The following NCOA2 variants were observed in gnomAD, a reference collection of about 807,000 sequenced individuals.
The protein encoded by NCOA2 is nuclear receptor coactivator 2.
A neutral mutation model predicts 145.1 loss-of-function variants in NCOA2; 21 were observed. That is an observed-to-expected ratio of 0.14 (90% CI 0.10 to 0.21). The LOEUF (loss-of-function observed/expected upper bound fraction) is 0.21. Ranked by LOEUF, NCOA2 falls within the 10% of genes least tolerant of loss-of-function variation. The pLI is 1.00. For missense variants in NCOA2, 1,472 were observed against 1,837.6 expected, an observed-to-expected ratio of 0.80 and a Z score of 3.64; for synonymous variants, 619 against 637.5, an observed-to-expected ratio of 0.97 and a Z score of 0.44.
the NCOA2 span, among the ~76,000 whole-genome samples, chr8:70,438,508 T>C: frequency 0.15 from 22,758 of 152,160 alleles, 2,111 homozygotes; most frequent in African/African-American, 0.25. Context: ...TTAATTGAAC[T>C]TTTCTGGCTT....
intron 16 of NCOA2, among the ~76,000 whole-genome samples, chr8:70,131,412 C>T (rs201605484): frequency 6.6e-6 from 1 of 152,222 alleles, no homozygotes; most frequent in East Asian, 1.9e-4. Context: ...GCACAAACAG[C>T]TTCCTATCAC....
intron 4 of NCOA2, among the ~76,000 whole-genome samples, chr8:70,213,112 A>C (rs1478502576): frequency 5.3e-5 from 8 of 150,230 alleles, no homozygotes; most frequent in South Asian, 2.1e-4. Context: ...AAAAAAAAAA[A>C]CCACACCAGA....
At chr8:70,347,926 G>T (rs1381578028) in intron 1 of NCOA2, among the ~76,000 whole-genome samples, 1 of 152,194 alleles carries the variant, frequency 6.6e-6, no homozygotes, top group East Asian at 1.9e-4. Context: ...CTTAAGAAGA[G>T]AGTGTAGGAA....
In NCOA2 at chr8:70,156,115, A is replaced by G. The variant is rs1043265297; in HGVS notation, c.2250T>C (p.Asp750=). The G allele has an allele frequency of 2.4e-5, 39 of 1,613,826 alleles. No homozygotes were observed. The Admixed American group carries it at 2.7e-4, about 11-fold the overall frequency. ...KENALLRYLL[D]KDDTKDIGLP... ...AACCAATATCTTTAGTATCATCTTT[A>G]TCTAGCAAATAGCGAAGTAGTGCAT... Residue 750 remains aspartate, a synonymous_variant, in exon 11 of 23, where the codon GAT becomes GAC. Coordinates refer to ENST00000452400, the MANE Select transcript of NCOA2 (RefSeq NM_006540.4).
intron 11 of NCOA2, among the ~76,000 whole-genome samples, chr8:70,151,007 A>C (rs1292966610): frequency 6.6e-6 from 1 of 152,220 alleles, no homozygotes; most frequent in African/African-American, 2.4e-5. Context: ...TATGAAAACC[A>C]GTTTCCCTAC....
intron 4 of NCOA2, among the ~76,000 whole-genome samples, chr8:70,197,841 T>C (rs1249799271): frequency 1.3e-5 from 2 of 152,054 alleles, no homozygotes; most frequent in Non-Finnish European, 2.9e-5. Context: ...TAAAAGTTTT[T>C]TTTTTTTTTT....
Position 70,123,867 on chromosome 8 carries a change from T to C in NCOA2, c.4293+17A>G, listed in dbSNP as rs377472176. The C allele has an allele frequency of 3.7e-5, 59 of 1,579,888 alleles. No homozygotes were observed. In the African/African-American group the frequency reaches 7.5e-4, roughly 20 times the overall value. ...CGTGATATGAAGCCACTGGGTTGCT[T>C]CTCCTTGGGCACTCACCTGCTCGGG... On this transcript the variant is annotated intron_variant, in intron 21 of 22. Coordinates refer to ENST00000452400, the MANE Select transcript of NCOA2 (RefSeq NM_006540.4).
the NCOA2 span, among the ~76,000 whole-genome samples, chr8:70,412,359 T>C: frequency 1.3e-5 from 2 of 151,006 alleles, no homozygotes; most frequent in African/African-American, 4.9e-5. Flanking sequence ...ATTTGTTTAG[T>C]TTTAGTGTAA....
chr8:70,135,106 C>CCAGCTA (rs1047518484), intron 15 of NCOA2, among the ~76,000 whole-genome samples: 18 of 152,056 alleles, frequency 1.2e-4, no homozygotes, highest in African/African-American at 3.6e-4. Flanking sequence ...CCTGTGAGCT[C>CCAGCTA]CAGCTACCAC....
chr8:70,358,543 A>G (rs1809941872), intron 1 of NCOA2, among the ~76,000 whole-genome samples: 1 of 152,242 alleles, frequency 6.6e-6, no homozygotes, highest in Non-Finnish European at 1.5e-5. Context: ...TGCTGGAACA[A>G]CAGCATATCC....
At chr8:70,246,615 C>A (rs954522073) in intron 2 of NCOA2, among the ~76,000 whole-genome samples, 1 of 152,050 alleles carries the variant, frequency 6.6e-6, no homozygotes, top group African/African-American at 2.4e-5. Context: ...TGTAAGTGTA[C>A]AGTTCAATAG....
chr8:70,250,484 C>A (rs1235886180), intron 2 of NCOA2, among the ~76,000 whole-genome samples: 1 of 148,684 alleles, frequency 6.7e-6, no homozygotes, highest in Non-Finnish European at 1.5e-5. Flanking sequence ...GCAAGAGGAT[C>A]ATTTGAGCCC....
At chr8:70,265,680 A>G (rs567227570) in intron 2 of NCOA2, among the ~76,000 whole-genome samples, 1 of 152,338 alleles carries the variant, frequency 6.6e-6, no homozygotes, top group Admixed American at 6.5e-5. Context: ...CACTCAGTCC[A>G]TTTGGAATGC....
chr8:70,161,697 A>AT lies in NCOA2; in HGVS notation c.976+1013dup, dbSNP rs570036433. Among the ~76,000 whole-genome samples the AT allele has an allele frequency of 9.5e-4, 144 of 152,236 alleles. 2 individuals are homozygous for AT. In the South Asian group the frequency reaches 0.029, roughly 31 times the overall value. On this transcript the variant is annotated intron_variant, in intron 9 of 22. Coordinates refer to ENST00000452400, the MANE Select transcript of NCOA2 (RefSeq NM_006540.4). Reference sequence around the variant, plus strand: ...CTCCATTTTCAATAACTAGCTACAAATTTTTTTCTGCAAGGATGCAGACAA... The same window carrying AT: ...CTCCATTTTCAATAACTAGCTACAAATTTTTTTTCTGCAAGGATGCAGACAA...
chr8:70,164,793 A>C (rs926643507), intron 7 of NCOA2, among the ~76,000 whole-genome samples: 5 of 151,894 alleles, frequency 3.3e-5, no homozygotes, highest in Non-Finnish European at 7.4e-5. Flanking sequence ...CAAGAAAATA[A>C]CAACTAAATT....
intron 11 of NCOA2, among the ~76,000 whole-genome samples, chr8:70,153,247 A>G (rs1300266173): frequency 3.9e-5 from 6 of 152,202 alleles, no homozygotes; most frequent in African/African-American, 1.4e-4. Flanking sequence ...GTGTGTGTGC[A>G]CATGCATGTG....
rs1294963094 is a variant in NCOA2 at position 70,277,178 on chromosome 8, G to A, written c.-20+19566C>T. 5.9e-5 allele frequency among the ~76,000 whole-genome samples: 9 copies of A among 151,770 alleles called. No homozygotes were observed. The South Asian group carries it at 8.3e-4, about 14-fold the overall frequency. ...TTTTCCTAATTGCTTCAGTGATTAC[G>A]CAAAAACAAAATGAGACAAATGCCC... On this transcript the variant is annotated intron_variant, in intron 2 of 22. Transcript: ENST00000452400.
intron 2 of NCOA2, among the ~76,000 whole-genome samples, chr8:70,269,437 C>A (rs1172443348): frequency 6.6e-6 from 1 of 151,808 alleles, no homozygotes; most frequent in African/African-American, 2.4e-5. Flanking sequence ...GCCTGGGCAA[C>A]ACGGTGAGAC....
At chr8:70,326,451 GTGCACACACACACACACACA>G (rs918440091) in intron 1 of NCOA2, among the ~76,000 whole-genome samples, 6 of 138,268 alleles carry the variant, frequency 4.3e-5, no homozygotes, top group East Asian at 5.2e-4. Context: ...ACACACACAC[GTGCACACACACACACACACA>G]TGCACACACA....
Sources: allele counts gnomAD v4.1 joint callset (sites outside exome capture counted in the v4.1 genomes callset), GRCh38; gene constraint gnomAD v4.1.1; transcripts MANE v1.5; gene names NCBI Gene and HGNC (gene_info 2026-07-23, HGNC 2026-07-21).